The following ECT2L variants were observed in gnomAD, a reference collection of about 807,000 sequenced individuals.
ECT2L encodes the protein epithelial cell transforming 2 like.
A neutral mutation model predicts 122.8 loss-of-function variants in ECT2L; 126 were observed. The observed-to-expected ratio is 1.03, with a 90% CI of 0.89 to 1.19. The LOEUF (loss-of-function observed/expected upper bound fraction) is 1.19. ECT2L is among the 50% of genes most tolerant of loss of function. ECT2L has a pLI of 0.00. For missense variants in ECT2L, 1,012 were observed against 1,064.1 expected, an observed-to-expected ratio of 0.95 and a Z score of 0.68; for synonymous variants, 385 against 381.8, an observed-to-expected ratio of 1.01 and a Z score of -0.10.
chr6:138,878,477 C>T (rs574972760), intron 14 of ECT2L, among the ~76,000 whole-genome samples: 2 of 152,112 alleles, frequency 1.3e-5, no homozygotes, highest in African/African-American at 2.4e-5. Flanking sequence ...GATGGAGTCT[C>T]GCTCTGTTGC....
rs779181460 is a variant in ECT2L, at chr6:138,849,411, G to A, written c.1046G>A (p.Ser349Asn). ...QSIGIFSDGD[S>N]REINLLQGYK... Reference sequence around the variant, plus strand: ...ATCGGAATATTTAGCGATGGAGACAGCAGAGAAATCAATTTACTCCAAGGT... The same window carrying A: ...ATCGGAATATTTAGCGATGGAGACAACAGAGAAATCAATTTACTCCAAGGT... Residue 349 changes from serine (S) to asparagine (N), a missense_variant, in exon 9 of 22, where the codon AGC (serine) becomes AAC (asparagine). Ser to Asn is a conservative substitution (Grantham distance 46, BLOSUM62 1). Transcript: ENST00000541398. The A allele has an allele frequency of 1.5e-5, 25 of 1,613,522 alleles. No individual in the cohort carries two copies. In the East Asian group the frequency reaches 3.1e-4, roughly 20 times the overall value.
intron 4 of ECT2L, among the ~76,000 whole-genome samples, chr6:138,827,414 C>T (rs970787169): frequency 6.6e-6 from 1 of 152,008 alleles, no homozygotes; most frequent in Non-Finnish European, 1.5e-5. Flanking sequence ...TATAGCAACA[C>T]AAGAAGGGCC....
chr6:138,882,449 AT>A (rs1778673377), intron 15 of ECT2L, among the ~76,000 whole-genome samples: 1 of 152,192 alleles, frequency 6.6e-6, no homozygotes, highest in Non-Finnish European at 1.5e-5. Flanking sequence ...AGACTAGGAC[AT>A]TAGGCAGCAG....
intron 10 of ECT2L, among the ~76,000 whole-genome samples, chr6:138,854,905 C>T (rs746673351): frequency 6.6e-6 from 1 of 152,098 alleles, no homozygotes; most frequent in Non-Finnish European, 1.5e-5. Flanking sequence ...AATAAAAGCT[C>T]TGCATTCATG....
intron 1 of ECT2L, among the ~76,000 whole-genome samples, chr6:138,811,590 A>T (rs145445103): frequency 6.6e-6 from 1 of 152,228 alleles, no homozygotes; most frequent in Non-Finnish European, 1.5e-5. Flanking sequence ...TCGCATCTGT[A>T]ATCCCAGTGT....
At chr6:138,874,818 G>T (rs1377792979) in intron 13 of ECT2L, among the ~76,000 whole-genome samples, 1 of 152,106 alleles carries the variant, frequency 6.6e-6, no homozygotes, top group Non-Finnish European at 1.5e-5. Flanking sequence ...TACTGGCTGG[G>T]CACAGTGGCT....
At chr6:138,891,545 A>G (rs565540602) in intron 20 of ECT2L, among the ~76,000 whole-genome samples, 1 of 151,220 alleles carries the variant, frequency 6.6e-6, no homozygotes, top group African/African-American at 2.4e-5. Flanking sequence ...CTTTAGATAA[A>G]CTTAACTCTT....
At chr6:138,831,355 G>C (rs1428067129) in intron 4 of ECT2L, among the ~76,000 whole-genome samples, 3 of 152,198 alleles carry the variant, frequency 2.0e-5, no homozygotes, top group Non-Finnish European at 4.4e-5. Context: ...TTAAAAAATT[G>C]TAACCTTTAA....
Position 138,802,846 on chromosome 6 carries a change from G to A in ECT2L, c.-244+6654G>A, listed in dbSNP as rs534684388. Among the ~76,000 whole-genome samples the A allele has an allele frequency of 2.9e-4, 44 of 152,252 alleles. 1 individual carries two copies. The highest frequency in any genetic ancestry group is 6.5e-4 in the Admixed American group (10 of 15,298). ...AATCCCAGCACTTTGGGAGGCCGAG[G>A]TGGGTGGATCACTTGAGGCCAGGAG... is the stretch of plus-strand genomic sequence containing the variant. On this transcript the variant is annotated intron_variant, in intron 1 of 21. Transcript: ENST00000541398.
intron 7 of ECT2L, 127 bp downstream of exon 7, chr6:138,844,707 T>G (rs1777161940): frequency 1.4e-5 from 11 of 814,650 alleles, no homozygotes; most frequent in Non-Finnish European, 2.1e-5. Context: ...GAAATATCAG[T>G]AAAGATAATT....
At chr6:138,832,519 C>T (rs1776681044) in intron 4 of ECT2L, among the ~76,000 whole-genome samples, 1 of 152,204 alleles carries the variant, frequency 6.6e-6, no homozygotes, top group African/African-American at 2.4e-5. Flanking sequence ...TCTAATGTGC[C>T]AGGAGATTTA....
At chr6:138,842,015 T>C (rs186787611) in intron 5 of ECT2L, among the ~76,000 whole-genome samples, 13 of 152,238 alleles carry the variant, frequency 8.5e-5, no homozygotes, top group East Asian at 3.9e-4. Flanking sequence ...CCAAATGCTA[T>C]TGGAACATTG....
At chr6:138,816,071 C>G (rs1441936758) in intron 4 of ECT2L, among the ~76,000 whole-genome samples, 1 of 152,220 alleles carries the variant, frequency 6.6e-6, no homozygotes, top group East Asian at 1.9e-4. Context: ...GTTGAAAAAT[C>G]AGGGGGAAGA....
chr6:138,823,145 C>T lies in ECT2L; in HGVS notation c.179+8542C>T, dbSNP rs1274068550. On this transcript the variant is annotated intron_variant, in intron 4 of 21. Coordinates refer to ENST00000541398, the MANE Select transcript of ECT2L (RefSeq NM_001077706.3). ...CTGGAATGCAGTTTCTGGCTTGCATCAGCATAGACAGATATGTGGCAGTAA... is the reference window on the plus strand; with the variant it reads ...CTGGAATGCAGTTTCTGGCTTGCATTAGCATAGACAGATATGTGGCAGTAA... The T allele has an allele frequency of 1.0e-5, 15 of 1,439,548 alleles. 2 individuals are homozygous for T. The highest frequency in any genetic ancestry group is 1.3e-5 in the Non-Finnish European group (14 of 1,059,258). The allele number at this position is 1,439,548 out of a possible 1,614,324, so 89.2% of individuals were successfully genotyped here.
chr6:138,840,016 T>C (rs1439091690), intron 5 of ECT2L, among the ~76,000 whole-genome samples: 1 of 152,186 alleles, frequency 6.6e-6, no homozygotes, highest in Non-Finnish European at 1.5e-5. Context: ...CCAGAAGACT[T>C]ACTGATAATG....
At chr6:138,838,644 A>G (rs1358751875) in intron 5 of ECT2L, 130 bp downstream of exon 5, 37 of 861,144 alleles carry the variant, frequency 4.3e-5, no homozygotes, top group Non-Finnish European at 6.1e-5. Context: ...CTTACCCTTG[A>G]GAGAAAAAAT....
At chr6:138,820,831 G>A (rs1040795188) in intron 4 of ECT2L, among the ~76,000 whole-genome samples, 2 of 152,058 alleles carry the variant, frequency 1.3e-5, no homozygotes, top group African/African-American at 4.8e-5. Context: ...ATTTGATGTC[G>A]GCATTAGCAT....
At chr6:138,827,501 C>T (rs1776490537) in intron 4 of ECT2L, among the ~76,000 whole-genome samples, 2 of 152,030 alleles carry the variant, frequency 1.3e-5, no homozygotes, top group Non-Finnish European at 2.9e-5. Flanking sequence ...TCATGGTTCA[C>T]ATTATTTCAT....
chr6:138,899,584 A>G (rs78083953), intron 20 of ECT2L, among the ~76,000 whole-genome samples: 1 of 152,238 alleles, frequency 6.6e-6, no homozygotes, highest in East Asian at 1.9e-4. Flanking sequence ...ACACTAAATA[A>G]AAGCCAATAG....
Sources: allele counts gnomAD v4.1 joint callset (sites outside exome capture counted in the v4.1 genomes callset), GRCh38; gene constraint gnomAD v4.1.1; transcripts MANE v1.5; gene names NCBI Gene and HGNC (gene_info 2026-07-23, HGNC 2026-07-21).